EYS: variants seen among roughly 807,000 people sequenced by gnomAD.
The protein encoded by EYS is EGF-like photoreceptor maintenance factor, also known as protein eyes shut homolog.
A neutral mutation model predicts 282.1 loss-of-function variants in EYS; 250 were observed. The ratio of observed to expected loss-of-function variants is 0.89; its 90% confidence interval spans 0.80 to 0.98. The LOEUF (loss-of-function observed/expected upper bound fraction) is 0.98. Among genes scored for constraint, EYS ranks in the 50% least tolerant of loss-of-function variants. The probability of loss-of-function intolerance (pLI) is 0.00; values close to 1 mark genes in which losing one functional copy is unlikely to be tolerated. For missense variants in EYS, 4,016 were observed against 3,709.0 expected (o/e 1.08, Z -2.15); for synonymous variants, 1,355 against 1,282.9 (o/e 1.06, Z -1.20).
chr6:64,497,721 C>T (rs1424081952), intron 26 of EYS, among the ~76,000 whole-genome samples: 2 of 152,082 alleles, frequency 1.3e-5, no homozygotes, highest in African/African-American at 4.8e-5. Context: ...GTTACAATAA[C>T]AACCCAGATT....
intron 2 of EYS, among the ~76,000 whole-genome samples, chr6:65,624,610 A>G (rs34967263): frequency 0.082 from 12,538 of 152,164 alleles, 653 homozygotes; most frequent in South Asian, 0.15. Flanking sequence ...CCCACCCTCA[A>G]TCTGGGTGGG....
chr6:65,230,558 T>C (rs980394322), intron 12 of EYS, among the ~76,000 whole-genome samples: 1 of 151,892 alleles, frequency 6.6e-6, no homozygotes, highest in African/African-American at 2.4e-5. Context: ...AAATTTACTG[T>C]CTTGGTTAAA....
chr6:65,037,759 C>T (rs1244397810), intron 13 of EYS, among the ~76,000 whole-genome samples: 1 of 151,704 alleles, frequency 6.6e-6, no homozygotes, highest in Non-Finnish European at 1.5e-5. Flanking sequence ...TTAGTTCCCA[C>T]ATTGTTCAAG....
rs562377143 is a variant in EYS, at chr6:65,604,101, A to G, written c.-333+35677T>C. Among the ~76,000 whole-genome samples the G allele has an allele frequency of 1.3e-4, 19 of 151,996 alleles. 1 individual carries two copies. Among genetic ancestry groups the G allele is most frequent in the African/African-American group, 4.6e-4 (19 of 41,526 alleles). On this transcript the variant is annotated intron_variant, in intron 2 of 42. Transcript: ENST00000503581. Reference sequence around the variant, plus strand: ...TATTATGTCCTCAAAGTCTCCTCTCAACAAATACCAGGAGATTTCCAGTTT... The same window carrying G: ...TATTATGTCCTCAAAGTCTCCTCTCGACAAATACCAGGAGATTTCCAGTTT...
At chr6:65,318,069 A>G (rs1008041580) in intron 11 of EYS, among the ~76,000 whole-genome samples, 1 of 150,860 alleles carries the variant, frequency 6.6e-6, no homozygotes, top group Non-Finnish European at 1.5e-5. Context: ...GGATTTCACC[A>G]TGTTAGCCAG....
At chr6:64,111,492 G>A (rs1316169758) in intron 31 of EYS, among the ~76,000 whole-genome samples, 5 of 151,952 alleles carry the variant, frequency 3.3e-5, no homozygotes, top group East Asian at 1.9e-4. Flanking sequence ...TGCCATCTGA[G>A]GGCAACAATT....
At chr6:64,281,157 T>C (rs778259380) in intron 30 of EYS, among the ~76,000 whole-genome samples, 39 of 152,124 alleles carry the variant, frequency 2.6e-4, no homozygotes, top group Non-Finnish European at 5.0e-4. Flanking sequence ...AATCCTTTAA[T>C]TGGCTTTACC....
chr6:65,628,355 C>CAGCA (rs1766792541), intron 2 of EYS, among the ~76,000 whole-genome samples: 1 of 152,154 alleles, frequency 6.6e-6, no homozygotes, highest in African/African-American at 2.4e-5. Context: ...ACGCACCAAT[C>CAGCA]AGCACCCTGA....
chr6:65,371,741 C>CTGTGTGTG (rs112663745), intron 8 of EYS, among the ~76,000 whole-genome samples: 29 of 70,272 alleles, frequency 4.1e-4, no homozygotes, highest in East Asian at 2.7e-3. Flanking sequence ...CTCTCTCTCT[C>CTGTGTGTG]TGTGTGTGTG....
intron 35 of EYS, among the ~76,000 whole-genome samples, chr6:63,939,370 A>G (rs1765167181): frequency 6.6e-6 from 1 of 152,198 alleles, no homozygotes; most frequent in Admixed American, 6.5e-5. Context: ...GATAAAACAA[A>G]CAAAGAAATA....
rs989960179 is a variant in EYS at position 64,945,828 on chromosome 6, G to C, written c.2346C>G (p.Asn782Lys). The C allele has an allele frequency of 6.5e-7, 1 of 1,549,804 alleles. No homozygotes were observed. The highest frequency in any genetic ancestry group is 8.7e-7 in the Non-Finnish European group (1 of 1,145,904). The change falls in exon 15 of 43, where the codon AAC (asparagine) becomes AAG (lysine). Residue 782 changes from asparagine (N) to lysine (K), a missense_variant. Physicochemically the swap from Asn to Lys is moderately conservative, Grantham distance 94. Coordinates refer to ENST00000503581, the MANE Select transcript of EYS (RefSeq NM_001142800.2). ...SNECKMNPCK[N>K]NSTCTDLYKS... ...TGTAAAGGTCAGTACAGGTGGAATT[G>C]TTCTTGCAAGGATTCATTTTACACT...
chr6:65,222,468 C>T (rs1766493597), intron 12 of EYS, among the ~76,000 whole-genome samples: 1 of 152,172 alleles, frequency 6.6e-6, no homozygotes, highest in African/African-American at 2.4e-5. Flanking sequence ...CCTTCATCTT[C>T]TGCCATGATT....
chr6:65,488,171 C>T (rs186362236), intron 5 of EYS, among the ~76,000 whole-genome samples: 69 of 152,146 alleles, frequency 4.5e-4, no homozygotes, highest in Non-Finnish European at 3.5e-4. Flanking sequence ...GTCTCTATCT[C>T]CTTCAGTTCT....
chr6:64,176,753 T>C (rs1764648829), intron 31 of EYS, among the ~76,000 whole-genome samples: 1 of 152,120 alleles, frequency 6.6e-6, no homozygotes, highest in African/African-American at 2.4e-5. Flanking sequence ...AATTTGTTTC[T>C]GATAACTAAT....
At chr6:64,625,412 C>T (rs1204318929) in intron 23 of EYS, among the ~76,000 whole-genome samples, 2 of 152,164 alleles carry the variant, frequency 1.3e-5, no homozygotes, top group East Asian at 3.9e-4. Flanking sequence ...GTTCTGGAAG[C>T]TGCAGGGTAC....
chr6:65,148,965 T>C (rs1764547990), intron 12 of EYS, among the ~76,000 whole-genome samples: 1 of 152,006 alleles, frequency 6.6e-6, no homozygotes, highest in African/African-American at 2.4e-5. Context: ...AGGAACCATG[T>C]CCTGAGGCTG....
At chr6:64,026,876 C>G (rs1378039555) in intron 33 of EYS, among the ~76,000 whole-genome samples, 1 of 152,194 alleles carries the variant, frequency 6.6e-6, no homozygotes, top group African/African-American at 2.4e-5. Context: ...TTCTCCCTCT[C>G]TGATTTAAAA....
chr6:65,135,705 G>A (rs901442279), intron 12 of EYS, among the ~76,000 whole-genome samples: 1 of 151,646 alleles, frequency 6.6e-6, no homozygotes, highest in South Asian at 2.1e-4. Context: ...GTCCAATTTG[G>A]TATTTTGGCA....
At chr6:65,642,970 C>A (rs984685868) in intron 1 of EYS, among the ~76,000 whole-genome samples, 3 of 152,178 alleles carry the variant, frequency 2.0e-5, no homozygotes, top group African/African-American at 7.2e-5. Flanking sequence ...TGAAGACTTA[C>A]ATCATAAAAT....
Sources: gnomAD v4.1 joint callset for allele counts (sites outside exome capture counted in the v4.1 genomes callset) on GRCh38, gnomAD v4.1.1 for gene constraint, MANE v1.5 for transcripts, NCBI Gene and HGNC (gene_info 2026-07-23, HGNC 2026-07-21) for gene names.